Variants in KAZN observed in about 807,000 individuals in gnomAD.
KAZN encodes the protein kazrin.
KAZN carries 40 observed loss-of-function variants against 87.4 expected under a neutral mutation model. The observed-to-expected ratio is 0.46, with a 90% CI of 0.36 to 0.60. KAZN has a LOEUF of 0.60. Among genes scored for constraint, KAZN ranks in the 20% least tolerant of loss-of-function variants. The pLI, the probability that KAZN is intolerant of heterozygous loss-of-function variation, is 0.00. For missense variants in KAZN, 898 were observed against 1,073.9 expected (o/e 0.84, Z 2.29); for synonymous variants, 466 against 458.3 (o/e 1.02, Z -0.22).
At chr1:14,387,551 G>C (rs1182509352) in intron 2 of KAZN, among the ~76,000 whole-genome samples, 1 of 151,898 alleles carries the variant, frequency 6.6e-6, no homozygotes, top group Non-Finnish European at 1.5e-5. Flanking sequence ...CTCAGCTGCA[G>C]GTCTGTTGGA....
chr1:14,906,722 T>C (rs941840724), intron 1 of KAZN, among the ~76,000 whole-genome samples: 1 of 150,214 alleles, frequency 6.7e-6, no homozygotes, highest in Non-Finnish European at 1.5e-5. Context: ...GTCCCATATT[T>C]TTCTAGAGAT....
At chr1:14,549,671 A>T (rs2148509348) in intron 2 of KAZN, among the ~76,000 whole-genome samples, 1 of 146,914 alleles carries the variant, frequency 6.8e-6, no homozygotes, top group Non-Finnish European at 1.5e-5. Context: ...ACAATAGGTA[A>T]TCCACCCCCA....
exon 1 of KAZN, chr1:13,893,620 G>A (rs1361438574): frequency 1.3e-6 from 2 of 1,548,972 alleles, no homozygotes; most frequent in Non-Finnish European, 1.7e-6. Context: ...CACTCCAAGG[G>A]TCTGGACGCT....
chr1:14,382,761 T>G (rs1200772349), intron 2 of KAZN, among the ~76,000 whole-genome samples: 3 of 149,132 alleles, frequency 2.0e-5, no homozygotes, highest in Non-Finnish European at 4.5e-5. Context: ...CTATTGTGAA[T>G]AATGCCGCAA....
At chr1:14,779,403 G>T (rs181247527) in intron 1 of KAZN, among the ~76,000 whole-genome samples, 2 of 152,194 alleles carry the variant, frequency 1.3e-5, no homozygotes, top group Admixed American at 6.5e-5. Context: ...TGGAGGGTAC[G>T]GCCAGAAGCT....
intron 2 of KAZN, among the ~76,000 whole-genome samples, chr1:14,324,202 C>G (rs1039003833): frequency 6.6e-6 from 1 of 152,148 alleles, no homozygotes; most frequent in African/African-American, 2.4e-5. Flanking sequence ...TCTCCCTAGT[C>G]CCTGACTACA....
At chr1:14,295,446 C>T (rs1374586569) in intron 2 of KAZN, among the ~76,000 whole-genome samples, 1 of 152,144 alleles carries the variant, frequency 6.6e-6, no homozygotes. Flanking sequence ...GACAAGGACA[C>T]ACACACCCAA....
intron 2 of KAZN, among the ~76,000 whole-genome samples, chr1:14,550,794 A>G (rs1673470302): frequency 9.2e-6 from 1 of 109,252 alleles, no homozygotes; most frequent in Non-Finnish European, 1.7e-5. Context: ...TCCAGGCACA[A>G]CCCTCAGGAT....
rs1466174033 is a variant in KAZN at position 14,735,124 on chromosome 1, A to G, written c.226+135901A>G. ...GCCCAGGCCGGACTGTAGTGGCGCT[A>G]TCTCGGCTCACTGCGAGCTCCGCCT... On this transcript the variant is annotated intron_variant, in intron 1 of 14. Coordinates refer to ENST00000376030, the MANE Select transcript of KAZN (RefSeq NM_201628.3). The surrounding 1 kb of genome is among the most constrained non-coding windows in gnomAD (Gnocchi z 4.3). Among the ~76,000 whole-genome samples the G allele has an allele frequency of 6.6e-6, 1 of 152,056 alleles. No individual in the cohort carries two copies. The highest frequency in any genetic ancestry group is 1.9e-4 in the East Asian group (1 of 5,170).
At chr1:13,910,990 C>A (rs1639633579) in intron 1 of KAZN, among the ~76,000 whole-genome samples, 1 of 152,012 alleles carries the variant, frequency 6.6e-6, no homozygotes, top group African/African-American at 2.4e-5. Context: ...GAAGGAGGTG[C>A]ATGACATGGG....
chr1:14,278,247 G>A (rs1379001790), intron 2 of KAZN, among the ~76,000 whole-genome samples: 3 of 146,986 alleles, frequency 2.0e-5, no homozygotes, highest in East Asian at 2.0e-4. Context: ...GTTCTTTAAC[G>A]ACATAACAGT....
chr1:14,115,822 G>A (rs1304759664), intron 1 of KAZN, among the ~76,000 whole-genome samples: 4 of 152,120 alleles, frequency 2.6e-5, no homozygotes, highest in East Asian at 1.9e-4. Flanking sequence ...TGCTGATAGC[G>A]ATACGGACAA....
chr1:14,952,899 T>C lies in KAZN; in HGVS notation c.227-7785T>C, dbSNP rs147642832. Among the ~76,000 whole-genome samples the C allele has an allele frequency of 4.0e-3, 604 of 152,254 alleles. 1 individual carries two copies. Among genetic ancestry groups the C allele is most frequent in the Middle Eastern group, 0.02 (6 of 294 alleles). ...TTCCGGAGAGTTTCCACTGAGATGA[T>C]TGCTTTGTTTAATGTTTACCGCAGG... is the stretch of plus-strand genomic sequence containing the variant. On this transcript the variant is annotated intron_variant, in intron 1 of 14. Transcript: ENST00000376030.
chr1:14,713,416 G>GT (rs1338734439), intron 1 of KAZN, among the ~76,000 whole-genome samples: 1 of 152,136 alleles, frequency 6.6e-6, no homozygotes, highest in Non-Finnish European at 1.5e-5. Flanking sequence ...GCTGATCACT[G>GT]TCATTTACGG....
intron 1 of KAZN, among the ~76,000 whole-genome samples, chr1:14,901,064 T>C (rs1655828321): frequency 2.0e-5 from 3 of 152,190 alleles, no homozygotes; most frequent in Admixed American, 2.0e-4. Flanking sequence ...GGGAGCTTAC[T>C]GTGTGGTAGG....
At chr1:14,513,292 C>T (rs1557768759) in intron 2 of KAZN, among the ~76,000 whole-genome samples, 1 of 152,110 alleles carries the variant, frequency 6.6e-6, no homozygotes, top group Non-Finnish European at 1.5e-5. Context: ...GAGGTTTCTC[C>T]GACTCCCACA....
chr1:14,228,934 C>A (rs1647544809), intron 2 of KAZN, among the ~76,000 whole-genome samples: 1 of 152,194 alleles, frequency 6.6e-6, no homozygotes, highest in Non-Finnish European at 1.5e-5. Context: ...ATTCCCAGAA[C>A]CATACTCAGT....
intron 2 of KAZN, among the ~76,000 whole-genome samples, chr1:14,283,862 T>C (rs1653036935): frequency 6.6e-6 from 1 of 152,106 alleles, no homozygotes; most frequent in African/African-American, 2.4e-5. Flanking sequence ...CCAAAGTCCA[T>C]CAACTGACAA....
chr1:14,417,250 A>G (rs1262524117), intron 2 of KAZN, among the ~76,000 whole-genome samples: 1 of 152,168 alleles, frequency 6.6e-6, no homozygotes, highest in African/African-American at 2.4e-5. Context: ...TTATTATTCC[A>G]TTGATGAAAT....
Sources: allele counts gnomAD v4.1 joint callset (sites outside exome capture counted in the v4.1 genomes callset), GRCh38; gene constraint gnomAD v4.1.1; non-coding constraint Gnocchi (gnomAD v3.1); transcripts MANE v1.5; gene names NCBI Gene and HGNC (gene_info 2026-07-23, HGNC 2026-07-21).